ERBB4: variants seen among roughly 807,000 people sequenced by gnomAD.
ERBB4 encodes the protein receptor tyrosine-protein kinase erbB-4.
Under a neutral mutation model 158.0 loss-of-function variants are expected in ERBB4, and 42 were observed. The observed-to-expected ratio is 0.27, with a 90% CI of 0.21 to 0.34. The LOEUF (loss-of-function observed/expected upper bound fraction) is 0.34, where lower values mean the gene tolerates loss of function less well. Among genes scored for constraint, ERBB4 ranks in the 10% least tolerant of loss-of-function variants. ERBB4 has a pLI of 1.00. For missense variants in ERBB4, 1,333 were observed against 1,624.1 expected, an observed-to-expected ratio of 0.82 and a Z score of 3.08; for synonymous variants, 583 against 558.7, an observed-to-expected ratio of 1.04 and a Z score of -0.61.
chr2:212,482,109 G>A (rs1689733648), intron 1 of ERBB4, among the ~76,000 whole-genome samples: 1 of 152,180 alleles, frequency 6.6e-6, no homozygotes, highest in African/African-American at 2.4e-5. Flanking sequence ...ATTTCAAACT[G>A]TGTTGACACT....
At chr2:212,013,967 C>T (rs2076451061) in intron 2 of ERBB4, among the ~76,000 whole-genome samples, 1 of 152,188 alleles carries the variant, frequency 6.6e-6, no homozygotes, top group Admixed American at 6.5e-5. Flanking sequence ...AAGAAGCTAA[C>T]ACAGCAACTA....
chr2:211,972,296 A>C (rs886759642), intron 2 of ERBB4, among the ~76,000 whole-genome samples: 1 of 152,252 alleles, frequency 6.6e-6, no homozygotes, highest in African/African-American at 2.4e-5. Context: ...CATGGATAGG[A>C]AGAATCAATA....
intron 20 of ERBB4, among the ~76,000 whole-genome samples, chr2:211,505,891 C>T (rs2065734441): frequency 1.4e-5 from 2 of 146,516 alleles, no homozygotes; most frequent in South Asian, 4.3e-4. Context: ...ACCTGGGAGG[C>T]AGAGCTTGCA....
At chr2:211,643,273 C>G (rs1208934993) in intron 16 of ERBB4, among the ~76,000 whole-genome samples, 1 of 152,114 alleles carries the variant, frequency 6.6e-6, no homozygotes, top group Non-Finnish European at 1.5e-5. Context: ...TGAAGCCTAT[C>G]CCTCTACTTC....
At chr2:212,006,556 T>G (rs1055988970) in intron 2 of ERBB4, among the ~76,000 whole-genome samples, 12 of 152,180 alleles carry the variant, frequency 7.9e-5, no homozygotes, top group African/African-American at 2.6e-4. Context: ...TTAAATACAT[T>G]ATTTTGAAAA....
At chr2:212,444,135 G>C (rs2092305832) in intron 1 of ERBB4, among the ~76,000 whole-genome samples, 1 of 152,126 alleles carries the variant, frequency 6.6e-6, no homozygotes, top group Non-Finnish European at 1.5e-5. Flanking sequence ...TGCACCAATG[G>C]CTTCATGGTG....
chr2:212,268,462 G>A (rs1295946775), intron 1 of ERBB4, among the ~76,000 whole-genome samples: 3 of 151,788 alleles, frequency 2.0e-5, no homozygotes, highest in Non-Finnish European at 4.4e-5. Flanking sequence ...AAATATCTAT[G>A]TATTAGCATT....
rs758827443 is a variant in ERBB4 at position 211,725,150 on chromosome 2, C to T, written c.667G>A (p.Gly223Arg). The change falls in exon 6 of 28, where the codon GGA becomes AGA. Residue 223 changes from glycine (G) to arginine (R), a missense_variant. By Grantham distance (125) the Gly-to-Arg change is moderately radical. Coordinates refer to ENST00000342788, the MANE Select transcript of ERBB4 (RefSeq NM_005235.3). ...CAEQCDGRCY[G>R]PYVSDCCHRE... ...TGGCAGCAGTCACTGACGTAAGGTCCGTAGCATCTGCCGTCACATTGTTCT... is the reference window on the plus strand; with the variant it reads ...TGGCAGCAGTCACTGACGTAAGGTCTGTAGCATCTGCCGTCACATTGTTCT... 2.0e-5 allele frequency: 33 copies of T among 1,613,864 alleles called. No individual in the cohort carries two copies. Among genetic ancestry groups the T allele is most frequent in the Non-Finnish European group, 2.6e-5 (31 of 1,179,996 alleles).
At chr2:211,421,705 ATAATGT>A (rs1329287625) in intron 24 of ERBB4, among the ~76,000 whole-genome samples, 1 of 151,652 alleles carries the variant, frequency 6.6e-6, no homozygotes, top group Non-Finnish European at 1.5e-5. Context: ...TGACTTACAC[ATAATGT>A]TAATAAAATC....
At chr2:211,434,026 A>G (rs1408240685) in intron 20 of ERBB4, among the ~76,000 whole-genome samples, 3 of 152,240 alleles carry the variant, frequency 2.0e-5, no homozygotes, top group African/African-American at 7.2e-5. Context: ...ATATTTATAA[A>G]ATAATCATCC....
At chr2:211,541,072 G>A (rs72941323) in intron 20 of ERBB4, among the ~76,000 whole-genome samples, 28,258 of 151,716 alleles carry the variant, frequency 0.19, 3,126 homozygotes, top group Non-Finnish European at 0.24. Flanking sequence ...CTAAGAAACT[G>A]TATCAATTGC....
chr2:211,404,865 A>G (rs537528725), intron 25 of ERBB4, among the ~76,000 whole-genome samples: 2 of 152,246 alleles, frequency 1.3e-5, no homozygotes, highest in South Asian at 4.1e-4. Context: ...TCTGTTTTCA[A>G]TCTAATCTGC....
intron 3 of ERBB4, among the ~76,000 whole-genome samples, chr2:211,869,116 A>G (rs28639697): frequency 6.6e-6 from 1 of 152,182 alleles, no homozygotes; most frequent in Non-Finnish European, 1.5e-5. Flanking sequence ...ACTTGATTCC[A>G]TGAACTCTAT....
chr2:211,520,045 T>G (rs2066145913), intron 20 of ERBB4, among the ~76,000 whole-genome samples: 1 of 152,188 alleles, frequency 6.6e-6, no homozygotes, highest in African/African-American at 2.4e-5. Context: ...ACACCTACTC[T>G]TCTACTTACC....
At chr2:212,434,340 T>C (rs148671785) in intron 1 of ERBB4, among the ~76,000 whole-genome samples, 109 of 152,066 alleles carry the variant, frequency 7.2e-4, no homozygotes, top group African/African-American at 2.3e-3. Context: ...AGTGAAAATA[T>C]TTTTCCCTAA....
At chr2:212,287,097 T>C (rs542444458) in intron 1 of ERBB4, among the ~76,000 whole-genome samples, 41 of 152,104 alleles carry the variant, frequency 2.7e-4, no homozygotes, top group African/African-American at 9.6e-4. Flanking sequence ...TCGATCAGCA[T>C]GTAGCCCCCT....
At chr2:212,246,288 T>A (rs1346568060) in intron 1 of ERBB4, among the ~76,000 whole-genome samples, 2 of 152,210 alleles carry the variant, frequency 1.3e-5, no homozygotes, top group African/African-American at 4.8e-5. Context: ...CTTGAATTAA[T>A]TGGATTAATA....
intron 2 of ERBB4, among the ~76,000 whole-genome samples, chr2:211,956,944 C>T (rs2081051290): frequency 6.6e-6 from 1 of 152,010 alleles, no homozygotes; most frequent in South Asian, 2.1e-4. Context: ...AGAGATCCTC[C>T]CACCTCAGAT....
chr2:212,273,074 T>C (rs1026914602), intron 1 of ERBB4, among the ~76,000 whole-genome samples: 1 of 151,728 alleles, frequency 6.6e-6, no homozygotes, highest in Non-Finnish European at 1.5e-5. Flanking sequence ...TATTACGACT[T>C]TGAGTATGTG....
Sources: gnomAD v4.1 joint callset for allele counts (sites outside exome capture counted in the v4.1 genomes callset) on GRCh38, gnomAD v4.1.1 for gene constraint, MANE v1.5 for transcripts, NCBI Gene and HGNC (gene_info 2026-07-23, HGNC 2026-07-21) for gene names.